Variants in COX10 observed in about 807,000 individuals in gnomAD.
COX10 encodes cytochrome c oxidase assembly factor heme A:farnesyltransferase COX10.
A neutral mutation model predicts 37.3 loss-of-function variants in COX10; 27 were observed. The ratio of observed to expected loss-of-function variants is 0.72; its 90% CI spans 0.53 to 1.00. The LOEUF (loss-of-function observed/expected upper bound fraction) is 1.00. Among genes scored for constraint, COX10 ranks in the 50% least tolerant of loss-of-function variants. COX10 has a pLI of 0.00. For synonymous variants in COX10, 222 were observed against 229.1 expected (o/e 0.97, Z 0.28); for missense variants, 475 against 563.2 (o/e 0.84, Z 1.59).
At chr17:14,197,551 C>T (rs549247677) in intron 6 of COX10, among the ~76,000 whole-genome samples, 14 of 152,310 alleles carry the variant, frequency 9.2e-5, no homozygotes, top group South Asian at 4.1e-4. Context: ...CGGCCCACTT[C>T]GGGAATCCAG....
intron 6 of COX10, among the ~76,000 whole-genome samples, chr17:14,204,552 A>G (rs1437601092): frequency 1.3e-5 from 2 of 151,750 alleles, no homozygotes; most frequent in Non-Finnish European, 2.9e-5. Flanking sequence ...TTGCAACTCT[A>G]CTGTCACCAT....
At chr17:14,166,653 T>TGG (rs1905291854) in intron 5 of COX10, among the ~76,000 whole-genome samples, 2 of 60,194 alleles carry the variant, frequency 3.3e-5, no homozygotes, top group East Asian at 7.6e-4. Flanking sequence ...TTCCTCTCAC[T>TGG]CAGGCTGGAG....
chr17:14,167,951 T>A (rs1905338925), intron 5 of COX10, among the ~76,000 whole-genome samples: 1 of 152,080 alleles, frequency 6.6e-6, no homozygotes. Context: ...TTCCCAACAG[T>A]CCCTCAAAGT....
intron 5 of COX10, among the ~76,000 whole-genome samples, chr17:14,172,118 C>T (rs1905489003): frequency 6.6e-6 from 1 of 152,088 alleles, no homozygotes; most frequent in South Asian, 2.1e-4. Flanking sequence ...CTGTCTTCCA[C>T]TCAACTGGCA....
At chr17:14,105,102 C>T (rs1265060734) in intron 4 of COX10, among the ~76,000 whole-genome samples, 4 of 152,052 alleles carry the variant, frequency 2.6e-5, no homozygotes, top group Admixed American at 2.0e-4. Flanking sequence ...AAAACTATAA[C>T]ATTATTTTGA....
In COX10 at chr17:14,096,364, G is replaced by GTTT. The variant is rs56369104; in HGVS notation, c.500-5743_500-5741dup. On this transcript the variant is annotated intron_variant, in intron 3 of 6. Transcript: ENST00000261643. ...TTTCAAAATTTTTAAATGTAGGTGT[G>GTTT]TTTTTTTTTTTTTCTTTTTTTTTTT... is the stretch of plus-strand genomic sequence containing the variant. Among the ~76,000 whole-genome samples, 129 of 128,692 alleles carry GTTT rather than the reference G, an allele frequency of 1.0e-3. 1 individual carries two copies. The highest frequency in any genetic ancestry group is 3.6e-3 in the African/African-American group (123 of 34,394). The allele number at this position is 128,692 out of a possible 152,430, so 84.4% of individuals were successfully genotyped here.
chr17:14,075,991 CA>C (rs71147838), intron 2 of COX10, among the ~76,000 whole-genome samples: 74,593 of 83,304 alleles, frequency 0.9, 33,244 homozygotes, highest in East Asian at 0.98. Flanking sequence ...GGCTCCATCT[CA>C]AAAAAAAAAA....
At chr17:14,174,657 T>A (rs1406608787) in intron 5 of COX10, among the ~76,000 whole-genome samples, 1 of 152,032 alleles carries the variant, frequency 6.6e-6, no homozygotes, top group Non-Finnish European at 1.5e-5. Flanking sequence ...CTGACAAGGG[T>A]GTAGAATACC....
intron 5 of COX10, among the ~76,000 whole-genome samples, chr17:14,187,487 A>G (rs1906068420): frequency 6.6e-6 from 1 of 152,226 alleles, no homozygotes; most frequent in African/African-American, 2.4e-5. Context: ...AGGGAATAAA[A>G]CCACAATTTA....
intron 3 of COX10, among the ~76,000 whole-genome samples, chr17:14,090,288 T>C (rs999698623): frequency 6.6e-5 from 10 of 152,100 alleles, no homozygotes; most frequent in Non-Finnish European, 7.4e-5. Flanking sequence ...TTGTAGCATC[T>C]TATTTATTAA....
intron 6 of COX10, among the ~76,000 whole-genome samples, chr17:14,204,198 G>A (rs544422225): frequency 1.3e-5 from 2 of 152,198 alleles, no homozygotes; most frequent in South Asian, 2.1e-4. Flanking sequence ...ATGCAGACAC[G>A]TAAATGTCTG....
chr17:14,185,511 A>C (rs1373393639), intron 5 of COX10, among the ~76,000 whole-genome samples: 1 of 152,132 alleles, frequency 6.6e-6, no homozygotes, highest in Non-Finnish European at 1.5e-5. Flanking sequence ...TAAAAGATAG[A>C]TCTCTTGATT....
At chr17:14,196,458 G>A (rs1436417625) in intron 6 of COX10, among the ~76,000 whole-genome samples, 1 of 152,128 alleles carries the variant, frequency 6.6e-6, no homozygotes, top group Non-Finnish European at 1.5e-5. Context: ...CCAGGAAGAG[G>A]GAAGAGCCTG....
At chr17:14,167,126 G>A (rs1406216031) in intron 5 of COX10, among the ~76,000 whole-genome samples, 1 of 152,122 alleles carries the variant, frequency 6.6e-6, no homozygotes, top group Non-Finnish European at 1.5e-5. Flanking sequence ...CAACTCTAAT[G>A]TATGACCTTG....
At chr17:14,145,589 A>T (rs1351546082) in intron 4 of COX10, among the ~76,000 whole-genome samples, 1 of 152,172 alleles carries the variant, frequency 6.6e-6, no homozygotes, top group Non-Finnish European at 1.5e-5. Context: ...CTAGAGAGGT[A>T]AAAGGAGGCA....
chr17:14,094,236 C>T (rs1915592675), intron 3 of COX10, among the ~76,000 whole-genome samples: 1 of 151,616 alleles, frequency 6.6e-6, no homozygotes, highest in Non-Finnish European at 1.5e-5. Context: ...GTTTATTAGT[C>T]CTGTACTTTA....
intron 3 of COX10, among the ~76,000 whole-genome samples, chr17:14,096,468 A>G (rs1433195503): frequency 7.3e-6 from 1 of 137,860 alleles, no homozygotes; most frequent in African/African-American, 2.8e-5. Flanking sequence ...TTGAACTCCC[A>G]TGCTCAAGTC....
intron 6 of COX10, among the ~76,000 whole-genome samples, chr17:14,205,769 T>C (rs1200827840): frequency 6.6e-6 from 1 of 151,108 alleles, no homozygotes; most frequent in East Asian, 1.9e-4. Flanking sequence ...CATTGCCTAA[T>C]TTTTTTTTTC....
chr17:14,207,357 T>C lies in COX10; in HGVS notation c.*144T>C, dbSNP rs1906742963. ...GCTCAGTGATCACTTGACAGTTTTT[T>C]TTTTTTTTAAATATTACCCAAAATG... On this transcript the variant is annotated 3_prime_UTR_variant, in exon 7 of 7. Coordinates refer to ENST00000261643, the MANE Select transcript of COX10 (RefSeq NM_001303.4). 9 of 1,151,538 alleles carry C rather than the reference T, an allele frequency of 7.8e-6. No individual in the cohort carries two copies. Among genetic ancestry groups the C allele is most frequent in the Non-Finnish European group, 1.1e-5 (9 of 853,378 alleles). The allele number at this position is 1,151,538 out of a possible 1,614,324, so 71.3% of individuals were successfully genotyped here. A position where few individuals can be genotyped will look rare whatever the true frequency, so the allele number is the denominator to read the frequency against.
Sources: gnomAD v4.1 joint callset for allele counts (sites outside exome capture counted in the v4.1 genomes callset) on GRCh38, gnomAD v4.1.1 for gene constraint, MANE v1.5 for transcripts, NCBI Gene and HGNC (gene_info 2026-07-23, HGNC 2026-07-21) for gene names.